The following SNAP91 variants were observed in gnomAD, a reference collection of about 807,000 sequenced individuals.
The protein encoded by SNAP91 is synaptosome associated protein 91.
Under a neutral mutation model 100.3 loss-of-function variants are expected in SNAP91, and 27 were observed. The ratio of observed to expected loss-of-function variants is 0.27; its 90% CI spans 0.20 to 0.37. SNAP91 has a LOEUF of 0.37. Ranked by LOEUF, SNAP91 falls within the 10% of genes least tolerant of loss-of-function variation. The probability of loss-of-function intolerance (pLI) is 1.00; values close to 1 mark genes in which losing one functional copy is unlikely to be tolerated. For missense variants in SNAP91, 986 were observed against 1,123.7 expected, an observed-to-expected ratio of 0.88 and a Z score of 1.75; for synonymous variants, 404 against 398.6, an observed-to-expected ratio of 1.01 and a Z score of -0.16.
chr6:83,674,101 G>A (rs997219588), intron 2 of SNAP91, among the ~76,000 whole-genome samples: 7 of 152,146 alleles, frequency 4.6e-5, no homozygotes, highest in Non-Finnish European at 1.0e-4. Flanking sequence ...ATCAAACCCT[G>A]GAAGTACCCT....
Position 83,593,192 on chromosome 6 carries a change from C to T in SNAP91, c.1764G>A (p.Leu588=), listed in dbSNP as rs779460520. The T allele has an allele frequency of 8.8e-6, 14 of 1,590,840 alleles. No individual in the cohort carries two copies. The Admixed American group carries it at 2.5e-4, about 28-fold the overall frequency. Residue 588 remains leucine (L), a synonymous_variant, in exon 19 of 30, where the codon CTG becomes CTA. Coordinates refer to ENST00000369694, the MANE Select transcript of SNAP91 (RefSeq NM_001242792.2). ...TTGCTTTGGTTTTACCTGTACTAAA[C>T]AGGTCTATGCTAGGAGCAGCATCTG... ...PKPDAAPSID[L]FSTDAFSSPP...
chr6:83,568,129 A>G (rs1201390100), intron 26 of SNAP91, among the ~76,000 whole-genome samples: 1 of 152,122 alleles, frequency 6.6e-6, no homozygotes, highest in Non-Finnish European at 1.5e-5. Flanking sequence ...GATTAAGAAA[A>G]TGTGGCACAT....
At chr6:83,682,577 AT>A (rs1562650630) in intron 2 of SNAP91, among the ~76,000 whole-genome samples, 1 of 151,264 alleles carries the variant, frequency 6.6e-6, no homozygotes. Context: ...ATTTTTTTAA[AT>A]TTTTTTATTT....
In SNAP91 at chr6:83,649,249, C is replaced by A. The variant is rs561555601; in HGVS notation, c.658+7505G>T. Among the ~76,000 whole-genome samples, 153 of 152,288 alleles carry A rather than the reference C, an allele frequency of 1.0e-3. 3 individuals are homozygous for A. The highest frequency in any genetic ancestry group is 3.5e-4 in the Non-Finnish European group (24 of 68,020). On this transcript the variant is annotated intron_variant, in intron 7 of 29. Transcript: ENST00000369694. ...GCTCAGGACCTCATGAAGTTATAGT[C>A]AAACTGCTGGCCATGCCTGTAGCCC...
intron 12 of SNAP91, 32 bp downstream of exon 12, chr6:83,610,618 A>C: frequency 1.6e-6 from 1 of 612,014 alleles, no homozygotes; most frequent in Non-Finnish European, 3.1e-6. Context: ...AAAACAAAAA[A>C]CAAAAACCCC....
At chr6:83,560,021 A>G (rs1784673567) in intron 28 of SNAP91, 83 bp downstream of exon 28, 4 of 1,202,712 alleles carry the variant, frequency 3.3e-6, no homozygotes, top group Non-Finnish European at 4.9e-6. Flanking sequence ...ATTAGGTAAA[A>G]ACACTTTTTA....
chr6:83,693,627 T>C (rs2099159026), intron 2 of SNAP91, among the ~76,000 whole-genome samples: 1 of 152,174 alleles, frequency 6.6e-6, no homozygotes, highest in South Asian at 2.1e-4. Flanking sequence ...ATTCAAAATG[T>C]CTTTTCCCTG....
At chr6:83,670,642 T>A (rs1001588834) in intron 2 of SNAP91, among the ~76,000 whole-genome samples, 3 of 152,000 alleles carry the variant, frequency 2.0e-5, no homozygotes, top group Non-Finnish European at 4.4e-5. Flanking sequence ...TTTAGGGTTG[T>A]ACGTACACTT....
intron 9 of SNAP91, 102 bp downstream of exon 9, chr6:83,623,199 G>T: frequency 1.1e-6 from 1 of 918,738 alleles, no homozygotes; most frequent in Non-Finnish European, 1.7e-6. Context: ...GTTGGCCTAA[G>T]TTCAAAATGC....
chr6:83,582,199 ATGTT>A lies in SNAP91; in HGVS notation c.2149+19_2149+22del. The A allele has an allele frequency of 6.2e-7, 1 of 1,611,638 alleles. No homozygotes were observed. Among genetic ancestry groups the A allele is most frequent in the South Asian group, 1.1e-5 (1 of 90,648 alleles). On this transcript the variant is annotated intron_variant, in intron 23 of 29. Transcript: ENST00000369694. ...TTTATTACCAGGACACATGAAAAGA[ATGTT>A]TGAAAGTCACTGCCTCACCTGATGG...
intron 2 of SNAP91, among the ~76,000 whole-genome samples, chr6:83,692,651 A>C (rs924781528): frequency 6.6e-6 from 1 of 152,194 alleles, no homozygotes; most frequent in Admixed American, 6.5e-5. Context: ...AATTACACTA[A>C]GCACTCTGAT....
chr6:83,659,169 G>T, intron 5 of SNAP91, 77 bp from the exon 6 acceptor site: 3 of 1,081,658 alleles, frequency 2.8e-6, no homozygotes, highest in Non-Finnish European at 4.0e-6. Context: ...GTTCTAAGCT[G>T]TTCCCCCACA....
chr6:83,696,689 T>G (rs759356955), intron 2 of SNAP91, among the ~76,000 whole-genome samples: 1 of 152,230 alleles, frequency 6.6e-6, no homozygotes, highest in Non-Finnish European at 1.5e-5. Context: ...AAGTCTGGGC[T>G]TAAACATCTC....
chr6:83,616,914 A>AG lies in SNAP91; in HGVS notation c.878+54dup, dbSNP rs1261901451. On this transcript the variant is annotated intron_variant, in intron 10 of 29. Coordinates refer to ENST00000369694, the MANE Select transcript of SNAP91 (RefSeq NM_001242792.2). ...TTGTACCATGATAAATCTCATTCTT[A>AG]GAAGAACGACTGTAGTATTTTTCAT... is the stretch of plus-strand genomic sequence containing the variant. 3 of 1,137,384 alleles carry AG rather than the reference A, an allele frequency of 2.6e-6. No individual in the cohort carries two copies. The South Asian group carries it at 4.3e-5, about 16-fold the overall frequency. 70.5% of individuals were successfully genotyped at this position (1,137,384 alleles called of 1,614,324 possible).
intron 2 of SNAP91, among the ~76,000 whole-genome samples, chr6:83,699,328 C>T (rs72905538): frequency 1.3e-5 from 2 of 151,720 alleles, no homozygotes; most frequent in Non-Finnish European, 2.9e-5. Context: ...AAAATGTTAG[C>T]AAGAAACATA....
At chr6:83,577,887 C>T (rs2128101751) in intron 24 of SNAP91, among the ~76,000 whole-genome samples, 1 of 152,228 alleles carries the variant, frequency 6.6e-6, no homozygotes, top group African/African-American at 2.4e-5. Flanking sequence ...CTCCACTTCC[C>T]TCAGCCCCTT....
rs572573261 is a variant in SNAP91 at position 83,707,260 on chromosome 6, TCACACA to T, written c.130+532_130+537del. On this transcript the variant is annotated intron_variant, in intron 2 of 29. Transcript: ENST00000369694. ...TTTCAGTTTGGTATGGTAACATACC[TCACACA>T]CACACACACACACCCATACTCACAA... Among the ~76,000 whole-genome samples, 346 of 150,366 alleles carry T rather than the reference TCACACA, an allele frequency of 2.3e-3. 8 individuals are homozygous for T. Among genetic ancestry groups the T allele is most frequent in the Non-Finnish European group, 1.1e-3 (71 of 67,408 alleles).
At position 83,597,077 on chromosome 6, in the gene SNAP91, C is replaced by A. The variant is rs4707008; in HGVS notation, c.1325-2596G>T. Among the ~76,000 whole-genome samples, 721 of 152,286 alleles carry A rather than the reference C, an allele frequency of 4.7e-3. 19 individuals are homozygous for A. The highest frequency in any genetic ancestry group is 0.04 in the Admixed American group (614 of 15,298). On this transcript the variant is annotated intron_variant, in intron 16 of 29. Transcript: ENST00000369694. ...AAAAATCCCCTTGTCAGCAAGATATCTCCTTTTAATTCTTCTCTTGTTACT... is the reference window on the plus strand; with the variant it reads ...AAAAATCCCCTTGTCAGCAAGATATATCCTTTTAATTCTTCTCTTGTTACT...
At chr6:83,663,642 T>C (rs2098607955) in intron 3 of SNAP91, among the ~76,000 whole-genome samples, 1 of 152,032 alleles carries the variant, frequency 6.6e-6, no homozygotes. Flanking sequence ...AGAGGTTAGT[T>C]CATGAGGTTT....
Sources: gnomAD v4.1 joint callset for allele counts (sites outside exome capture counted in the v4.1 genomes callset) on GRCh38, gnomAD v4.1.1 for gene constraint, MANE v1.5 for transcripts, NCBI Gene and HGNC (gene_info 2026-07-23, HGNC 2026-07-21) for gene names.